The following TMEM163 variants were observed in gnomAD, a reference collection of about 807,000 sequenced individuals.
The protein encoded by TMEM163 is transmembrane protein 163.
TMEM163 carries 17 observed loss-of-function variants against 29.3 expected under a neutral mutation model. The ratio of observed to expected loss-of-function variants is 0.58; its 90% CI spans 0.40 to 0.87. TMEM163 has a LOEUF of 0.87. Among genes scored for constraint, TMEM163 ranks in the 40% least tolerant of loss-of-function variants. The probability of loss-of-function intolerance (pLI) is 0.00; values close to 1 mark genes in which losing one functional copy is unlikely to be tolerated. For synonymous variants in TMEM163, 157 were observed against 160.6 expected (o/e 0.98, Z 0.17); for missense variants, 303 against 381.5 (o/e 0.79, Z 1.71).
intron 1 of TMEM163, among the ~76,000 whole-genome samples, chr2:134,718,049 C>T (rs988880869): frequency 5.9e-5 from 9 of 152,250 alleles, no homozygotes; most frequent in African/African-American, 2.2e-4. Context: ...CCTCCGGAAA[C>T]ATCAGGTTTC....
chr2:134,485,421 A>C (rs1168452649), intron 5 of TMEM163, among the ~76,000 whole-genome samples: 1 of 152,234 alleles, frequency 6.6e-6, no homozygotes, highest in Non-Finnish European at 1.5e-5. Flanking sequence ...AACCATCGTA[A>C]GTTGGGGACC....
intron 2 of TMEM163, among the ~76,000 whole-genome samples, chr2:134,645,073 T>C (rs560789839): frequency 6.6e-6 from 1 of 152,320 alleles, no homozygotes; most frequent in African/African-American, 2.4e-5. Context: ...TACTACTGCA[T>C]ACCTGTTAGA....
At chr2:134,561,720 C>CTGTG (rs753210703) in intron 2 of TMEM163, among the ~76,000 whole-genome samples, 7 of 152,194 alleles carry the variant, frequency 4.6e-5, no homozygotes, top group Non-Finnish European at 7.3e-5. Context: ...TCAAGTAAGC[C>CTGTG]TGTGGGAGGC....
chr2:134,473,192 T>C (rs1465254184), intron 5 of TMEM163, among the ~76,000 whole-genome samples: 2 of 152,062 alleles, frequency 1.3e-5, no homozygotes, highest in East Asian at 1.9e-4. Flanking sequence ...GAAAATCAAA[T>C]TAATCCCAAA....
chr2:134,492,423 G>A (rs976629931), intron 5 of TMEM163, among the ~76,000 whole-genome samples: 2 of 152,136 alleles, frequency 1.3e-5, no homozygotes, highest in African/African-American at 4.8e-5. Flanking sequence ...TAAATTAACA[G>A]ACTAACGTAT....
intron 2 of TMEM163, among the ~76,000 whole-genome samples, chr2:134,628,171 A>G: frequency 6.6e-6 from 1 of 152,256 alleles, no homozygotes. Context: ...AAATTTCATG[A>G]ATCTATCTAT....
chr2:134,664,708 G>GCCA (rs1381372486), intron 2 of TMEM163, among the ~76,000 whole-genome samples: 1 of 152,118 alleles, frequency 6.6e-6, no homozygotes, highest in Non-Finnish European at 1.5e-5. Context: ...GGGGATACAG[G>GCCA]CCACCACCAG....
rs1426661667 is a variant in TMEM163, at chr2:134,535,244, C to T, written c.458+15326G>A. Among the ~76,000 whole-genome samples the T allele has an allele frequency of 2.0e-5, 3 of 152,188 alleles. 1 individual carries two copies. The highest frequency in any genetic ancestry group is 4.1e-4 in the South Asian group (2 of 4,832). On this transcript the variant is annotated intron_variant, in intron 4 of 7. Transcript: ENST00000281924. ...GGTGACTTCCACGCCACTGACACAT[C>T]GTGCACATTGCTTTTCTCACTGAAA...
chr2:134,698,925 C>T (rs574706575), intron 2 of TMEM163, among the ~76,000 whole-genome samples: 33 of 152,144 alleles, frequency 2.2e-4, no homozygotes, highest in Non-Finnish European at 4.4e-4. Context: ...GTGCAAACAT[C>T]CTTATTGGAT....
At chr2:134,707,468 G>A (rs1230030815) in intron 2 of TMEM163, among the ~76,000 whole-genome samples, 1 of 152,220 alleles carries the variant, frequency 6.6e-6, no homozygotes, top group African/African-American at 2.4e-5. Context: ...TTTTTATCTT[G>A]TGTACATTCT....
intron 2 of TMEM163, among the ~76,000 whole-genome samples, chr2:134,553,552 C>T (rs1574232389): frequency 2.6e-5 from 4 of 152,188 alleles, no homozygotes; most frequent in Non-Finnish European, 5.9e-5. Flanking sequence ...AAAGCCACAG[C>T]GCTGGGGAGA....
At chr2:134,570,865 AAGG>A (rs1304333404) in intron 2 of TMEM163, among the ~76,000 whole-genome samples, 1 of 152,230 alleles carries the variant, frequency 6.6e-6, no homozygotes, top group East Asian at 1.9e-4. Flanking sequence ...AGAAGAGAGA[AAGG>A]AGAATGGAGG....
chr2:134,639,168 C>A (rs10803548), intron 2 of TMEM163, among the ~76,000 whole-genome samples: 88,313 of 152,064 alleles, frequency 0.58, 26,385 homozygotes, highest in Non-Finnish European at 0.63. Context: ...AGCTGCATTC[C>A]ACCGAGCTGA....
chr2:134,643,173 C>T (rs893197843), intron 2 of TMEM163, among the ~76,000 whole-genome samples: 1 of 152,016 alleles, frequency 6.6e-6, no homozygotes, highest in African/African-American at 2.4e-5. Context: ...CACTAGACCC[C>T]ACAGACATTA....
Position 134,550,934 on chromosome 2 carries a change from T to C in TMEM163, c.367-273A>G, listed in dbSNP as rs546697393. ...GAGCGGAAGGTGGGGGAGTTCACTG[T>C]TCTGAAACACATGGAATTGGTTTCC... On this transcript the variant is annotated intron_variant, in intron 3 of 7. Coordinates refer to ENST00000281924, the MANE Select transcript of TMEM163 (RefSeq NM_030923.5). Among the ~76,000 whole-genome samples the C allele has an allele frequency of 3.9e-5, 6 of 152,302 alleles. No homozygotes were observed. The South Asian group carries it at 6.2e-4, about 16-fold the overall frequency.
chr2:134,517,820 C>T (rs2106493810), intron 4 of TMEM163, among the ~76,000 whole-genome samples: 1 of 152,052 alleles, frequency 6.6e-6, no homozygotes, highest in Admixed American at 6.5e-5. Context: ...TTTGCATAAC[C>T]AAAATGTAAG....
intron 4 of TMEM163, among the ~76,000 whole-genome samples, chr2:134,510,688 G>A (rs1433922674): frequency 6.6e-6 from 1 of 152,172 alleles, no homozygotes; most frequent in African/African-American, 2.4e-5. Context: ...AGGTAGCGGT[G>A]CATCCAAGAG....
At chr2:134,587,009 A>C (rs1681837036) in intron 2 of TMEM163, among the ~76,000 whole-genome samples, 1 of 152,184 alleles carries the variant, frequency 6.6e-6, no homozygotes, top group Non-Finnish European at 1.5e-5. Flanking sequence ...TAATTAGGGT[A>C]AATCTTGGAC....
At chr2:134,656,354 T>C (rs1275809931) in intron 2 of TMEM163, among the ~76,000 whole-genome samples, 4 of 151,818 alleles carry the variant, frequency 2.6e-5, no homozygotes, top group Non-Finnish European at 5.9e-5. Context: ...GAAAGGGAAC[T>C]CCCTGACCCC....
Sources: allele counts gnomAD v4.1 joint callset (sites outside exome capture counted in the v4.1 genomes callset), GRCh38; gene constraint gnomAD v4.1.1; transcripts MANE v1.5; gene names NCBI Gene and HGNC (gene_info 2026-07-23, HGNC 2026-07-21).